The following CRCP variants were observed in gnomAD, a reference collection of about 807,000 sequenced individuals.
CRCP encodes the protein DNA-directed RNA polymerase III subunit RPC9.
A neutral mutation model predicts 18.5 loss-of-function variants in CRCP; 18 were observed. The observed-to-expected ratio is 0.97, with a 90% CI of 0.67 to 1.44. CRCP has a LOEUF of 1.44. Among genes scored for constraint, CRCP ranks in the 40% most tolerant of loss-of-function variants. The pLI, the probability that CRCP is intolerant of heterozygous loss-of-function variation, is 0.00. For missense variants in CRCP, 130 were observed against 176.4 expected (o/e 0.74, Z 1.49); for synonymous variants, 53 against 62.9 (o/e 0.84, Z 0.75).
At position 66,152,458 on chromosome 7, in the gene CRCP, G is replaced by C; in HGVS notation, c.*101G>C. On this transcript the variant is annotated 3_prime_UTR_variant, in exon 6 of 6. Coordinates refer to ENST00000395326, the MANE Select transcript of CRCP (RefSeq NM_014478.5). Reference sequence around the variant, plus strand: ...TTATTTGATTTTTATCCTCATCCCAGCAGGCCTGGCTTTGTGGTTAGTTGG... The same window carrying C: ...TTATTTGATTTTTATCCTCATCCCACCAGGCCTGGCTTTGTGGTTAGTTGG... The C allele has an allele frequency of 7.4e-7, 1 of 1,354,600 alleles. No individual in the cohort carries two copies. Among genetic ancestry groups the C allele is most frequent in the East Asian group, 2.4e-5 (1 of 40,952 alleles). The allele number at this position is 1,354,600 out of a possible 1,614,324, so 83.9% of individuals were successfully genotyped here.
intron 5 of CRCP, among the ~76,000 whole-genome samples, chr7:66,149,890 T>C (rs1174965359): frequency 6.6e-6 from 1 of 152,032 alleles, no homozygotes; most frequent in Non-Finnish European, 1.5e-5. Context: ...TACTACAACC[T>C]CTGCCTCCTG....
intron 5 of CRCP, among the ~76,000 whole-genome samples, chr7:66,147,951 T>G (rs1333896773): frequency 6.6e-6 from 1 of 151,990 alleles, no homozygotes; most frequent in Admixed American, 6.6e-5. Flanking sequence ...TCCCAGCTAC[T>G]CAGGAGACTA....
intron 5 of CRCP, among the ~76,000 whole-genome samples, chr7:66,147,384 C>T (rs1407402066): frequency 1.3e-5 from 2 of 151,110 alleles, no homozygotes; most frequent in African/African-American, 4.9e-5. Context: ...CAGACACGGT[C>T]TCAGTCCTTG....
intron 4 of CRCP, among the ~76,000 whole-genome samples, chr7:66,142,065 A>G (rs1174909816): frequency 6.8e-6 from 1 of 148,022 alleles, no homozygotes; most frequent in Non-Finnish European, 1.5e-5. Context: ...TGTAGCTTTT[A>G]GTCTTTGCGA....
intron 2 of CRCP, among the ~76,000 whole-genome samples, chr7:66,128,359 T>G (rs984397796): frequency 1.3e-5 from 2 of 152,204 alleles, no homozygotes; most frequent in African/African-American, 4.8e-5. Flanking sequence ...AAGCATCTAT[T>G]TTAAGGCTGT....
At chr7:66,146,447 A>T (rs1788301584) in intron 5 of CRCP, among the ~76,000 whole-genome samples, 1 of 116,320 alleles carries the variant, frequency 8.6e-6, no homozygotes, top group South Asian at 3.3e-4. Context: ...TTGCCAGTTT[A>T]AAAAAAAAAA....
chr7:66,132,557 G>A (rs963055774), intron 3 of CRCP, among the ~76,000 whole-genome samples: 9 of 152,032 alleles, frequency 5.9e-5, no homozygotes, highest in Non-Finnish European at 1.0e-4. Flanking sequence ...TGGTCATTTC[G>A]TTAAGATGGT....
intron 1 of CRCP, among the ~76,000 whole-genome samples, chr7:66,115,506 G>GAACCAGGACTGGGACCAGAGAAACAGC (rs1383335507): frequency 6.6e-6 from 1 of 152,140 alleles, no homozygotes; most frequent in Non-Finnish European, 1.5e-5. Context: ...GGAAGGACGT[G>GAACCAGGACTGGGACCAGAGAAACAGC]AACCAGGACT....
At chr7:66,123,242 C>T (rs1787505295) in intron 1 of CRCP, among the ~76,000 whole-genome samples, 1 of 152,168 alleles carries the variant, frequency 6.6e-6, no homozygotes, top group Non-Finnish European at 1.5e-5. Context: ...GTGTGAGCCA[C>T]TGCGCCTGGC....
At chr7:66,150,783 G>A (rs537525395) in intron 5 of CRCP, 4 of 152,256 alleles carry the variant, frequency 2.6e-5, no homozygotes, top group African/African-American at 9.6e-5. Flanking sequence ...CCATGGAATA[G>A]AATCTGGCCA....
At chr7:66,131,463 T>C (rs1257967254) in intron 3 of CRCP, among the ~76,000 whole-genome samples, 1 of 152,160 alleles carries the variant, frequency 6.6e-6, no homozygotes, top group African/African-American at 2.4e-5. Flanking sequence ...GCTTCCCAAG[T>C]AGCTGGGACT....
intron 1 of CRCP, among the ~76,000 whole-genome samples, chr7:66,118,987 C>T (rs1474310735): frequency 6.6e-6 from 1 of 152,186 alleles, no homozygotes; most frequent in Non-Finnish European, 1.5e-5. Flanking sequence ...CCCTGCCTTT[C>T]TGTCTTAGAG....
chr7:66,130,035 A>T (rs183747794), intron 2 of CRCP: 2 of 295,348 alleles, frequency 6.8e-6, no homozygotes, highest in Non-Finnish European at 1.3e-5. Flanking sequence ...CACTTGCCTC[A>T]AAATTTTTCT....
chr7:66,118,230 C>G (rs557862048), intron 1 of CRCP, among the ~76,000 whole-genome samples: 1 of 152,380 alleles, frequency 6.6e-6, no homozygotes, highest in African/African-American at 2.4e-5. Context: ...CCTGCCTCAG[C>G]CTCCCAAAGT....
intron 4 of CRCP, among the ~76,000 whole-genome samples, chr7:66,145,019 G>A (rs1788252137): frequency 1.3e-5 from 2 of 152,058 alleles, no homozygotes; most frequent in African/African-American, 4.8e-5. Flanking sequence ...GGGTGGGTGT[G>A]GTTGCGAGCA....
chr7:66,143,078 T>A (rs1383442633), intron 4 of CRCP, among the ~76,000 whole-genome samples: 1 of 152,154 alleles, frequency 6.6e-6, no homozygotes, highest in Non-Finnish European at 1.5e-5. Flanking sequence ...GTTCCCTCAC[T>A]CCTCCTCCCT....
intron 4 of CRCP, among the ~76,000 whole-genome samples, chr7:66,136,024 CAAGTT>C (rs1239217507): frequency 6.6e-6 from 1 of 152,058 alleles, no homozygotes; most frequent in African/African-American, 2.4e-5. Flanking sequence ...GTAGGGTTGA[CAAGTT>C]AAAGTACTTT....
Position 66,141,708 on chromosome 7 carries a change from G to C in CRCP, c.240-3735G>C, listed in dbSNP as rs1483157740. 2.0e-5 allele frequency among the ~76,000 whole-genome samples: 3 copies of C among 152,184 alleles called. 1 individual carries two copies. The highest frequency in any genetic ancestry group is 4.4e-5 in the Non-Finnish European group (3 of 68,032). On this transcript the variant is annotated intron_variant, in intron 4 of 5. Transcript: ENST00000395326. Reference sequence around the variant, plus strand: ...GAGTAGGACCGAGGAGCAGCCGCTGGATTTGTCCGTGTGGAGGCACCAGGC... The same window carrying C: ...GAGTAGGACCGAGGAGCAGCCGCTGCATTTGTCCGTGTGGAGGCACCAGGC...
intron 2 of CRCP, among the ~76,000 whole-genome samples, chr7:66,129,418 G>T (rs1056026693): frequency 6.6e-6 from 1 of 152,110 alleles, no homozygotes; most frequent in Non-Finnish European, 1.5e-5. Context: ...GGGGAGGTTC[G>T]CTTGAGCCCA....
Sources: allele counts gnomAD v4.1 joint callset (sites outside exome capture counted in the v4.1 genomes callset), GRCh38; gene constraint gnomAD v4.1.1; transcripts MANE v1.5; gene names NCBI Gene and HGNC (gene_info 2026-07-23, HGNC 2026-07-21).